The following LRBA variants were observed in gnomAD, a reference collection of about 807,000 sequenced individuals.
The protein encoded by LRBA is LPS responsive beige-like anchor protein.
In LRBA, 176 loss-of-function variants were observed where a neutral mutation model predicts 330.0. That is an observed-to-expected ratio of 0.53 (90% CI 0.47 to 0.60). The LOEUF (loss-of-function observed/expected upper bound fraction) is 0.60, where lower values mean the gene tolerates loss of function less well. Among genes scored for constraint, LRBA ranks in the 20% least tolerant of loss-of-function variants. The pLI, the probability that LRBA is intolerant of heterozygous loss-of-function variation, is 0.00. For missense variants in LRBA, 3,259 were observed against 3,444.8 expected, an observed-to-expected ratio of 0.95 and a Z score of 1.35; for synonymous variants, 1,230 against 1,193.0, an observed-to-expected ratio of 1.03 and a Z score of -0.64.
At chr4:150,367,649 A>G (rs1739648893) in intron 47 of LRBA, among the ~76,000 whole-genome samples, 1 of 152,348 alleles carries the variant, frequency 6.6e-6, no homozygotes, top group Non-Finnish European at 1.5e-5. Flanking sequence ...TGGGCATGAT[A>G]TAATTAAATG....
chr4:150,790,143 T>C (rs191688326), intron 34 of LRBA, among the ~76,000 whole-genome samples: 1 of 152,312 alleles, frequency 6.6e-6, no homozygotes, highest in Admixed American at 6.5e-5. Context: ...TGATATTACT[T>C]TGTTTTGCAT....
At chr4:150,546,786 C>A (rs1379886206) in intron 40 of LRBA, among the ~76,000 whole-genome samples, 3 of 152,136 alleles carry the variant, frequency 2.0e-5, no homozygotes, top group African/African-American at 7.2e-5. Context: ...CATTTAACTA[C>A]CCCAAAGGTG....
In LRBA at chr4:150,851,980, A is replaced by T. The variant is rs1560914935; in HGVS notation, c.3730T>A (p.Leu1244Met). ...EASSEQKIAK[L>M]DVSNVATDTE... is the part of the protein sequence containing the mutation. ...TCTGTAGCAACATTGGAAACATCCA[A>T]CTTCGCAATCTTTTGCTCAGAAGAA... is the stretch of plus-strand genomic sequence containing the variant. The change falls in exon 23 of 57, where the codon TTG becomes ATG. Residue 1244 changes from leucine to methionine, a missense_variant. Coordinates refer to ENST00000651943, the MANE Select transcript of LRBA (RefSeq NM_001364905.1). 3 of 1,614,086 alleles carry T rather than the reference A, an allele frequency of 1.9e-6. No individual in the cohort carries two copies. The highest frequency in any genetic ancestry group is 1.7e-6 in the Non-Finnish European group (2 of 1,179,988).
rs1738677182 is a variant in LRBA, at chr4:150,361,417, T to C, written c.7195-11258A>G. On this transcript the variant is annotated intron_variant, in intron 47 of 56. Coordinates refer to ENST00000651943, the MANE Select transcript of LRBA (RefSeq NM_001364905.1). ...CTTCTTAACTAGTTTCTCCTCTTTC[T>C]GTTACAGGCACACCACTGAAAATGT... is the stretch of plus-strand genomic sequence containing the variant. Among the ~76,000 whole-genome samples the C allele has an allele frequency of 2.0e-5, 3 of 152,322 alleles. No homozygotes were observed. In the Middle Eastern group the frequency reaches 0.01, roughly 518 times the overall value.
intron 36 of LRBA, among the ~76,000 whole-genome samples, chr4:150,700,226 C>T (rs754089600): frequency 4.6e-5 from 7 of 152,054 alleles, no homozygotes; most frequent in Non-Finnish European, 7.3e-5. Context: ...AGAAAAGCCA[C>T]AATTTATATT....
chr4:150,348,346 GCTA>G (rs996879787), intron 48 of LRBA, among the ~76,000 whole-genome samples: 6 of 152,270 alleles, frequency 3.9e-5, no homozygotes, highest in African/African-American at 1.4e-4. Flanking sequence ...GAAAAGTAGA[GCTA>G]CTTATGTCAT....
intron 2 of LRBA, among the ~76,000 whole-genome samples, chr4:150,947,734 T>G (rs900205793): frequency 5.3e-5 from 8 of 152,028 alleles, no homozygotes; most frequent in African/African-American, 1.9e-4. Flanking sequence ...AGGAAGAAAT[T>G]AAGCTGTCCC....
At chr4:150,897,619 G>A in intron 15 of LRBA, 120 bp downstream of exon 15, 2 of 662,878 alleles carry the variant, frequency 3.0e-6, no homozygotes, top group Non-Finnish European at 2.6e-6. Flanking sequence ...ATCTTTCAAA[G>A]TATTTTCCAA....
intron 2 of LRBA, among the ~76,000 whole-genome samples, chr4:150,965,097 G>A (rs1291677433): frequency 6.6e-6 from 1 of 152,004 alleles, no homozygotes; most frequent in African/African-American, 2.4e-5. Flanking sequence ...AATTATAAAG[G>A]AATAAAACCT....
At chr4:150,795,401 C>A (rs1160501383) in intron 34 of LRBA, among the ~76,000 whole-genome samples, 1 of 151,962 alleles carries the variant, frequency 6.6e-6, no homozygotes, top group African/African-American at 2.4e-5. Context: ...TGTGTATTTG[C>A]AACAGAGAAC....
At chr4:150,559,723 T>C (rs1283776752) in intron 40 of LRBA, among the ~76,000 whole-genome samples, 1 of 89,972 alleles carries the variant, frequency 1.1e-5, no homozygotes, top group Non-Finnish European at 2.0e-5. Flanking sequence ...TTATAGATTA[T>C]ATAATATATA....
At chr4:150,597,194 A>C in intron 38 of LRBA, 1 of 672,344 alleles carries the variant, frequency 1.5e-6, no homozygotes, top group East Asian at 3.0e-5. Context: ...ACTTCTATAC[A>C]AGTCAAGAGT....
At chr4:150,631,328 G>C (rs760391834) in intron 37 of LRBA, among the ~76,000 whole-genome samples, 1 of 151,976 alleles carries the variant, frequency 6.6e-6, no homozygotes, top group Admixed American at 6.6e-5. Flanking sequence ...ATTTTTATTA[G>C]TATGTAGTAC....
chr4:150,739,053 T>C (rs184344678), intron 35 of LRBA, among the ~76,000 whole-genome samples: 6 of 152,254 alleles, frequency 3.9e-5, no homozygotes, highest in Admixed American at 3.3e-4. Context: ...TTGAAAAGTA[T>C]AATTTCAGAA....
chr4:150,732,337 G>A (rs1730559929), intron 36 of LRBA, among the ~76,000 whole-genome samples: 1 of 151,950 alleles, frequency 6.6e-6, no homozygotes, highest in Non-Finnish European at 1.5e-5. Context: ...GCATGTTTGT[G>A]AGTGTCAATG....
chr4:150,865,917 T>C (rs1240038251), intron 22 of LRBA, among the ~76,000 whole-genome samples: 3 of 152,130 alleles, frequency 2.0e-5, no homozygotes, highest in East Asian at 3.9e-4. Context: ...CGTTTCACCA[T>C]GTTGGCCAGG....
At chr4:150,738,804 C>A (rs866309881) in intron 35 of LRBA, among the ~76,000 whole-genome samples, 2 of 149,242 alleles carry the variant, frequency 1.3e-5, no homozygotes, top group Admixed American at 1.3e-4. Context: ...ATATAACCAA[C>A]AAGCCAATGG....
chr4:150,310,124 T>C (rs1039956923), intron 52 of LRBA, 105 bp downstream of exon 52: 2 of 727,812 alleles, frequency 2.7e-6, no homozygotes, highest in South Asian at 1.9e-5. Context: ...TTGTAAATTT[T>C]AGGATTTTGT....
chr4:150,651,635 C>A (rs1327316119), intron 37 of LRBA, among the ~76,000 whole-genome samples: 1 of 151,316 alleles, frequency 6.6e-6, no homozygotes, highest in South Asian at 2.1e-4. Context: ...GAGCACCCAG[C>A]ACAAATAAAG....
Sources: gnomAD v4.1 joint callset for allele counts (sites outside exome capture counted in the v4.1 genomes callset) on GRCh38, gnomAD v4.1.1 for gene constraint, MANE v1.5 for transcripts, NCBI Gene and HGNC (gene_info 2026-07-23, HGNC 2026-07-21) for gene names.